The following CACNA1D variants were observed in gnomAD, a reference collection of about 807,000 sequenced individuals.
CACNA1D encodes calcium voltage-gated channel subunit alpha1 D, also known as voltage-dependent L-type calcium channel subunit alpha-1D.
A neutral mutation model predicts 257.1 loss-of-function variants in CACNA1D; 55 were observed. That is an observed-to-expected ratio of 0.21 (90% CI 0.17 to 0.27). The LOEUF is 0.27. Ranked by LOEUF, CACNA1D falls within the 10% of genes least tolerant of loss-of-function variation. CACNA1D has a pLI of 1.00. For synonymous variants in CACNA1D, 980 were observed against 1,014.9 expected, an observed-to-expected ratio of 0.97 and a Z score of 0.65; for missense variants, 1,876 against 2,784.0, an observed-to-expected ratio of 0.67 and a Z score of 7.34.
At chr3:53,706,761 A>T (rs577952523) in intron 9 of CACNA1D, among the ~76,000 whole-genome samples, 1 of 152,178 alleles carries the variant, frequency 6.6e-6, no homozygotes, top group East Asian at 1.9e-4. Context: ...CTCATCCCTC[A>T]TGCCTCTTCC....
chr3:53,802,667 C>A (rs906621940), intron 43 of CACNA1D, among the ~76,000 whole-genome samples: 2 of 152,188 alleles, frequency 1.3e-5, no homozygotes, highest in Non-Finnish European at 2.9e-5. Context: ...GCGGAATGCC[C>A]ATTTTGTTGG....
intron 20 of CACNA1D, among the ~76,000 whole-genome samples, chr3:53,738,302 G>A (rs902694291): frequency 3.8e-4 from 58 of 152,268 alleles, no homozygotes; most frequent in African/African-American, 1.4e-3. Context: ...TATGAAACAC[G>A]CACTCCGATA....
intron 8 of CACNA1D, among the ~76,000 whole-genome samples, chr3:53,686,185 A>C (rs2094472005): frequency 6.6e-6 from 1 of 152,094 alleles, no homozygotes; most frequent in Non-Finnish European, 1.5e-5. Context: ...TTTTAAATGG[A>C]ATTCAGAATC....
At chr3:53,700,956 C>T (rs74924069) in intron 8 of CACNA1D, among the ~76,000 whole-genome samples, 2,198 of 151,074 alleles carry the variant, frequency 0.015, 54 homozygotes, top group African/African-American at 0.05. Flanking sequence ...AATCTCAGCC[C>T]GCCGCAACCT....
At position 53,673,175 on chromosome 3, in the gene CACNA1D, C is replaced by T. The variant is rs1048016077; in HGVS notation, c.1220+49C>T. 17 of 1,286,082 alleles carry T rather than the reference C, an allele frequency of 1.3e-5. No individual in the cohort carries two copies. In the South Asian group the frequency reaches 1.8e-4, roughly 14 times the overall value. The allele number at this position is 1,286,082 out of a possible 1,614,324, so 79.7% of individuals were successfully genotyped here. On this transcript the variant is annotated intron_variant, in intron 8 of 47. Transcript: ENST00000350061. This position sits in a 1 kb window ranked among gnomAD's most constrained non-coding sequence, Gnocchi z 4.1. ...GAAAGCAGAGTCCTGAGGACAGTTG[C>T]CAAGACCACACAAGCTTTGCTGGAT... is the stretch of plus-strand genomic sequence containing the variant.
chr3:53,600,872 A>C (rs1357583275), intron 3 of CACNA1D, among the ~76,000 whole-genome samples: 1 of 152,140 alleles, frequency 6.6e-6, no homozygotes, highest in Admixed American at 6.5e-5. Flanking sequence ...CTTGGTTCTG[A>C]ATGATTGAAA....
chr3:53,533,787 T>C (rs1322547286), intron 3 of CACNA1D, among the ~76,000 whole-genome samples: 11 of 152,200 alleles, frequency 7.2e-5, no homozygotes. Flanking sequence ...ACTGTCTCCT[T>C]TTTTCAGCCT....
At chr3:53,602,904 A>G (rs781105305) in intron 3 of CACNA1D, among the ~76,000 whole-genome samples, 7 of 152,076 alleles carry the variant, frequency 4.6e-5, no homozygotes, top group Non-Finnish European at 1.0e-4. Context: ...TGCATTACCT[A>G]TTCACTTTGT....
chr3:53,810,095 T>C lies in CACNA1D; in HGVS notation c.5989T>C (p.Tyr1997His). 6.2e-7 allele frequency: 1 copy of C among 1,613,944 alleles called. No homozygotes were observed. Among genetic ancestry groups the C allele is most frequent in the Non-Finnish European group, 8.5e-7 (1 of 1,180,032 alleles). ...TPPYRDWTPC[Y>H]TPLIQVEQSE... ...TCCCTACCGGGACTGGACACCGTGC[T>C]ACACCCCCCTGATCCAAGTGGAGCA... The change falls in exon 47 of 48, where the codon TAC becomes CAC. Residue 1997 changes from tyrosine (Y) to histidine (H), a missense_variant. This residue lies in a region of CACNA1D where 491 missense variants were observed against 554.3 expected (regional missense o/e 0.89). Coordinates refer to ENST00000350061, the MANE Select transcript of CACNA1D (RefSeq NM_001128840.3).
chr3:53,509,253 C>G (rs1366446300), intron 3 of CACNA1D, among the ~76,000 whole-genome samples: 1 of 151,788 alleles, frequency 6.6e-6, no homozygotes, highest in East Asian at 1.9e-4. Context: ...ACTGCCTGAA[C>G]TGATCAGTGA....
At chr3:53,637,603 G>A (rs2093899912) in intron 3 of CACNA1D, among the ~76,000 whole-genome samples, 1 of 152,156 alleles carries the variant, frequency 6.6e-6, no homozygotes. Context: ...CTGTGGAAAG[G>A]CCTGTGTGGG....
At chr3:53,761,891 C>T in intron 29 of CACNA1D, 107 bp from the exon 30 acceptor site, 1 of 805,104 alleles carries the variant, frequency 1.2e-6, no homozygotes, top group Middle Eastern at 2.2e-4. Flanking sequence ...TCCCACCCTA[C>T]CTGGGTGCCA....
chr3:53,739,956 C>T (rs1000964569), intron 20 of CACNA1D, among the ~76,000 whole-genome samples: 1 of 152,230 alleles, frequency 6.6e-6, no homozygotes, highest in East Asian at 1.9e-4. Context: ...TGCCACAAGT[C>T]GTTTGTAGAT....
chr3:53,661,332 GA>G (rs3836507), intron 5 of CACNA1D, among the ~76,000 whole-genome samples: 129 of 151,530 alleles, frequency 8.5e-4, no homozygotes, highest in Non-Finnish European at 1.4e-3. Flanking sequence ...AAATCCTCTG[GA>G]AAAAAAAATT....
chr3:53,617,595 A>G (rs2108008999), intron 3 of CACNA1D, among the ~76,000 whole-genome samples: 1 of 152,326 alleles, frequency 6.6e-6, no homozygotes, highest in South Asian at 2.1e-4. Flanking sequence ...AATTATCACC[A>G]TCCCACTTTA....
chr3:53,658,084 T>G (rs2094166027), intron 4 of CACNA1D, among the ~76,000 whole-genome samples: 1 of 152,262 alleles, frequency 6.6e-6, no homozygotes, highest in South Asian at 2.1e-4. Context: ...TTAGTCAGTT[T>G]AGACAGCTCC....
intron 4 of CACNA1D, among the ~76,000 whole-genome samples, chr3:53,652,254 G>A (rs1435089178): frequency 2.6e-5 from 4 of 152,084 alleles, no homozygotes; most frequent in Non-Finnish European, 5.9e-5. Context: ...CATTTCTTGC[G>A]TCACCGTGCT....
intron 3 of CACNA1D, among the ~76,000 whole-genome samples, chr3:53,523,601 A>T (rs1034359003): frequency 6.6e-6 from 1 of 152,252 alleles, no homozygotes; most frequent in Non-Finnish European, 1.5e-5. Context: ...CAGGTACTTC[A>T]TACACACAAA....
intron 22 of CACNA1D, 102 bp from the exon 23 acceptor site, chr3:53,744,638 G>A (rs2095150305): frequency 1.3e-6 from 1 of 794,766 alleles, no homozygotes; most frequent in East Asian, 2.4e-5. Context: ...CACGCTAACT[G>A]TGCAGGGATA....
Sources: gnomAD v4.1 joint callset for allele counts (sites outside exome capture counted in the v4.1 genomes callset) on GRCh38, gnomAD v4.1.1 for gene constraint, gnomAD v4.1.1 regional missense constraint, Gnocchi (gnomAD v3.1) non-coding constraint, MANE v1.5 for transcripts, NCBI Gene and HGNC (gene_info 2026-07-23, HGNC 2026-07-21) for gene names.